CUX2: variants seen among roughly 807,000 people sequenced by gnomAD.
CUX2 encodes homeobox protein cut-like 2.
Under a neutral mutation model 144.8 loss-of-function variants are expected in CUX2, and 40 were observed. That is an observed-to-expected ratio of 0.28 (90% CI 0.21 to 0.36). The LOEUF (loss-of-function observed/expected upper bound fraction) is 0.36. CUX2 is among the 10% of genes least tolerant of loss of function. CUX2 has a pLI of 1.00. For missense variants in CUX2, 1,615 were observed against 1,994.0 expected (o/e 0.81, Z 3.62); for synonymous variants, 827 against 875.6 (o/e 0.94, Z 0.98).
chr12:111,229,955 A>G (rs1275836478), intron 3 of CUX2, among the ~76,000 whole-genome samples: 3 of 151,020 alleles, frequency 2.0e-5, no homozygotes, highest in African/African-American at 7.3e-5. Flanking sequence ...TCGAGGCTGC[A>G]GTGAACTGAG....
At chr12:111,040,012 C>T (rs1011557131) in intron 1 of CUX2, among the ~76,000 whole-genome samples, 3 of 152,090 alleles carry the variant, frequency 2.0e-5, no homozygotes, top group South Asian at 2.1e-4. Flanking sequence ...ATGGCCCAGG[C>T]GAGGTGGCTC....
At chr12:111,055,328 G>T (rs1348569339) in intron 1 of CUX2, among the ~76,000 whole-genome samples, 1 of 152,206 alleles carries the variant, frequency 6.6e-6, no homozygotes, top group Admixed American at 6.5e-5. Flanking sequence ...CATACACTGG[G>T]GGACTAGGCC....
intron 3 of CUX2, among the ~76,000 whole-genome samples, chr12:111,219,010 T>A (rs1881703376): frequency 6.6e-6 from 1 of 152,126 alleles, no homozygotes; most frequent in Non-Finnish European, 1.5e-5. Context: ...TTGAGGGGGC[T>A]CTTCTCAGGC....
intron 1 of CUX2, among the ~76,000 whole-genome samples, chr12:111,043,779 G>T (rs1270403988): frequency 6.6e-6 from 1 of 152,166 alleles, no homozygotes; most frequent in Admixed American, 6.5e-5. Context: ...AGTTGCCCAA[G>T]GACACATATC....
rs1263692420 is a variant in CUX2 at position 111,059,216 on chromosome 12, G to T, written c.63+24976G>T. On this transcript the variant is annotated intron_variant, in intron 1 of 21. Coordinates refer to ENST00000261726, the MANE Select transcript of CUX2 (RefSeq NM_015267.4). The surrounding 1 kb of genome is among the most constrained non-coding windows in gnomAD (Gnocchi z 5.3). ...TCTGACAGTGGCACCTGCCACACTGGTCAGCTGGAGGGGGCCCCTCTTTGC... is the reference window on the plus strand; with the variant it reads ...TCTGACAGTGGCACCTGCCACACTGTTCAGCTGGAGGGGGCCCCTCTTTGC... Among the ~76,000 whole-genome samples the T allele has an allele frequency of 6.6e-6, 1 of 152,184 alleles. No homozygotes were observed. Among genetic ancestry groups the T allele is most frequent in the Non-Finnish European group, 1.5e-5 (1 of 68,028 alleles).
intron 4 of CUX2, among the ~76,000 whole-genome samples, chr12:111,272,751 A>G (rs992740463): frequency 1.5e-4 from 23 of 152,316 alleles, no homozygotes; most frequent in Admixed American, 9.8e-4. Context: ...GATGTGAGCC[A>G]CCACACCCAG....
Position 111,348,114 on chromosome 12 carries a change from C to T in CUX2, c.4250C>T (p.Ser1417Leu). Reference sequence around the variant, plus strand: ...TCTGTGTCACCTGTCCCCTCCTCCTCAGCTCCCATCTCCCCATCCCCACCT... The same window carrying T: ...TCTGTGTCACCTGTCCCCTCCTCCTTAGCTCCCATCTCCCCATCCCCACCT... The part of the protein sequence containing the change: ...MMSVSPVPSS[S>L]APISPSPPGA... The change falls in exon 22 of 22, where the codon TCA (serine) becomes TTA (leucine). Residue 1417 changes from serine (S) to leucine (L), a missense_variant. Coordinates refer to ENST00000261726, the MANE Select transcript of CUX2 (RefSeq NM_015267.4). 6.2e-7 allele frequency: 1 copy of T among 1,614,172 alleles called. No individual in the cohort carries two copies. Among genetic ancestry groups the T allele is most frequent in the Non-Finnish European group, 8.5e-7 (1 of 1,180,024 alleles).
At chr12:111,052,569 T>C (rs1444476829) in intron 1 of CUX2, among the ~76,000 whole-genome samples, 1 of 152,170 alleles carries the variant, frequency 6.6e-6, no homozygotes. Context: ...CTTTTAATTT[T>C]TGTGTCTGTG....
intron 1 of CUX2, among the ~76,000 whole-genome samples, chr12:111,166,115 C>G (rs1244780490): frequency 6.6e-6 from 1 of 152,126 alleles, no homozygotes; most frequent in Non-Finnish European, 1.5e-5. Context: ...ACCTCCTGGG[C>G]TCAAGTGATC....
At chr12:111,101,223 C>T (rs1873216010) in intron 1 of CUX2, among the ~76,000 whole-genome samples, 1 of 152,122 alleles carries the variant, frequency 6.6e-6, no homozygotes, top group African/African-American at 2.4e-5. Flanking sequence ...GCTGGTGCCC[C>T]AGGATTGGTT....
intron 14 of CUX2, 69 bp downstream of exon 14, chr12:111,308,595 A>G: frequency 7.5e-7 from 1 of 1,325,168 alleles, no homozygotes; most frequent in South Asian, 1.3e-5. Context: ...TGGCCTTCTC[A>G]TGCCCAAGGA....
At position 111,310,333 on chromosome 12, in the gene CUX2, C is replaced by G. The variant is rs1355576032; in HGVS notation, c.1551C>G (p.Pro517=). The change falls in exon 15 of 22, where the codon CCC becomes CCG. Residue 517 remains proline, a synonymous_variant. Transcript: ENST00000261726. The surrounding 1 kb of genome is among the most constrained non-coding windows in gnomAD (Gnocchi z 7.9). Reference sequence around the variant, plus strand: ...CAGCCTTCTATGGCGCCAAGCCCCCCACAGCCCCTGCCACCCCGGCCCCTG... The same window carrying G: ...CAGCCTTCTATGGCGCCAAGCCCCCGACAGCCCCTGCCACCCCGGCCCCTG... ...FPPAFYGAKP[P]TAPATPAPGP... is the part of the protein sequence containing the mutation. 6.5e-7 allele frequency: 1 copy of G among 1,529,868 alleles called. No homozygotes were observed. Among genetic ancestry groups the G allele is most frequent in the Non-Finnish European group, 8.8e-7 (1 of 1,134,884 alleles). 94.8% of individuals were successfully genotyped at this position (1,529,868 alleles called of 1,614,324 possible).
chr12:111,134,967 T>C (rs927893157), intron 1 of CUX2, among the ~76,000 whole-genome samples: 4 of 152,086 alleles, frequency 2.6e-5, no homozygotes, highest in African/African-American at 7.2e-5. Context: ...GTATTTTCCC[T>C]TGAGGGCCAC....
chr12:111,345,861 A>G (rs1888782322), intron 21 of CUX2, among the ~76,000 whole-genome samples: 1 of 147,620 alleles, frequency 6.8e-6, no homozygotes, highest in Non-Finnish European at 1.5e-5. Flanking sequence ...TGTAATCCCA[A>G]CACTTTGGGA....
chr12:111,346,581 A>G (rs1330029756), intron 21 of CUX2, among the ~76,000 whole-genome samples: 1 of 152,220 alleles, frequency 6.6e-6, no homozygotes, highest in Non-Finnish European at 1.5e-5. Flanking sequence ...AGTTGCTAAT[A>G]GTCTATATTA....
At chr12:111,228,702 G>T (rs190106756) in intron 3 of CUX2, among the ~76,000 whole-genome samples, 80 of 152,204 alleles carry the variant, frequency 5.3e-4, no homozygotes, top group African/African-American at 1.7e-3. Flanking sequence ...AGGATTACAG[G>T]TGTGAGCCAC....
At chr12:111,202,664 G>A (rs1338761831) in intron 1 of CUX2, among the ~76,000 whole-genome samples, 1 of 152,218 alleles carries the variant, frequency 6.6e-6, no homozygotes, top group Non-Finnish European at 1.5e-5. Context: ...CCTTGTGCTT[G>A]TGGAGCTGAC....
chr12:111,218,325 G>A (rs977845897), intron 3 of CUX2, among the ~76,000 whole-genome samples: 5 of 152,150 alleles, frequency 3.3e-5, no homozygotes, highest in African/African-American at 1.2e-4. Flanking sequence ...ACCAGCCTAG[G>A]CAGCATAGCA....
chr12:111,136,897 A>T (rs7310058), intron 1 of CUX2, among the ~76,000 whole-genome samples: 7,423 of 151,798 alleles, frequency 0.049, 613 homozygotes, highest in African/African-American at 0.17. Context: ...GGGAGAGTGT[A>T]TGTGTCAAGA....
Sources: allele counts gnomAD v4.1 joint callset (sites outside exome capture counted in the v4.1 genomes callset), GRCh38; gene constraint gnomAD v4.1.1; non-coding constraint Gnocchi (gnomAD v3.1); transcripts MANE v1.5; gene names NCBI Gene and HGNC (gene_info 2026-07-23, HGNC 2026-07-21).